INAFM2: variants seen among roughly 807,000 people sequenced by gnomAD.
The protein encoded by INAFM2 is InaF motif containing 2, also known as putative transmembrane protein INAFM2.
Under a neutral mutation model 5.6 loss-of-function variants are expected in INAFM2, and 3 were observed. The observed-to-expected ratio is 0.54, with a 90% CI of 0.24 to 1.39. The LOEUF is 1.39. Ranked by LOEUF, INAFM2 falls within the 40% of genes most tolerant of loss-of-function variation. The probability of loss-of-function intolerance (pLI) is 0.16; values close to 1 mark genes in which losing one functional copy is unlikely to be tolerated. For missense variants in INAFM2, 186 were observed against 217.5 expected (o/e 0.86, Z 0.91); for synonymous variants, 113 against 109.1 (o/e 1.04, Z -0.22).
rs1212783418 is a variant in INAFM2 at position 40,324,309 on chromosome 15, C to G, written c.254C>G (p.Pro85Arg). The G allele has an allele frequency of 8.1e-7, 1 of 1,227,646 alleles. No individual in the cohort carries two copies. The highest frequency in any genetic ancestry group is 1.0e-6 in the Non-Finnish European group (1 of 985,644). 76.0% of individuals were successfully genotyped at this position (1,227,646 alleles called of 1,614,324 possible). A position where few individuals can be genotyped will look rare whatever the true frequency, so the allele number is the denominator to read the frequency against. ...PPPGGSNATG[P>R]SGTSGAAAAG... The stretch of plus-strand genomic sequence containing the variant: ...CCCGGCGGCTCCAACGCCACTGGCC[C>G]GTCTGGGACTTCGGGGGCGGCGGCG... The change falls in exon 1 of 1, where the codon CCG (proline) becomes CGG (arginine). Residue 85 changes from proline (P) to arginine (R), a missense_variant. Physicochemically the swap from Pro to Arg is moderately radical, Grantham distance 103. Transcript: ENST00000638170.
In INAFM2 at chr15:40,326,450, C is replaced by G. The variant is rs1888796096; in HGVS notation, c.*1933C>G. On this transcript the variant is annotated 3_prime_UTR_variant, in exon 1 of 1. Coordinates refer to ENST00000638170, the MANE Select transcript of INAFM2 (RefSeq NM_001301268.2). ...TCCACTTCCCTGTCCTCTTCCTGAT[C>G]CCTGCTTTCTGGACTGTTTAAATCC... The G allele has an allele frequency of 6.6e-6, 1 of 152,238 alleles. No individual in the cohort carries two copies. Among genetic ancestry groups the G allele is most frequent in the Non-Finnish European group, 1.5e-5 (1 of 68,040 alleles). The allele number at this position is 152,238 out of a possible 1,614,324, so 9.4% of individuals were successfully genotyped here.
rs544813471 is a variant in INAFM2, at chr15:40,324,897, C to A, written c.*380C>A. The A allele has an allele frequency of 2.1e-4, 37 of 174,400 alleles. No homozygotes were observed. Among genetic ancestry groups the A allele is most frequent in the Admixed American group, 1.0e-3 (16 of 15,920 alleles). 10.8% of individuals were successfully genotyped at this position (174,400 alleles called of 1,614,324 possible). A position where few individuals can be genotyped will look rare whatever the true frequency, so the allele number is the denominator to read the frequency against. ...CAGGGGAAGGATGGAGCTGTAGGGG[C>A]TCTTTTTAAGTAAGCTGAAGCTCTC... is the stretch of plus-strand genomic sequence containing the variant. On this transcript the variant is annotated 3_prime_UTR_variant, in exon 1 of 1. Coordinates refer to ENST00000638170, the MANE Select transcript of INAFM2 (RefSeq NM_001301268.2).
chr15:40,324,236 T>C lies in INAFM2; in HGVS notation c.181T>C (p.Trp61Arg). Residue 61 changes from tryptophan (W) to arginine (R), a missense_variant, in exon 1 of 1, where the codon TGG becomes CGG. By Grantham distance (101) the Trp-to-Arg change is moderately radical. Around this residue, in one of 2 missense-constraint regions of INAFM2, gnomAD observed 148 missense variants for 140.2 expected, o/e 1.06. Coordinates refer to ENST00000638170, the MANE Select transcript of INAFM2 (RefSeq NM_001301268.2). ...GCTCGCCGTCTACTACAGCCTCATCTGGCAGCCGGTGGGCGCCGGGACCTC... is the reference window on the plus strand; with the variant it reads ...GCTCGCCGTCTACTACAGCCTCATCCGGCAGCCGGTGGGCGCCGGGACCTC... ...IVLAVYYSLI[W>R]QPVGAGTSGG... 8.1e-7 allele frequency: 1 copy of C among 1,229,224 alleles called. No homozygotes were observed. Among genetic ancestry groups the C allele is most frequent in the Non-Finnish European group, 1.0e-6 (1 of 986,496 alleles). 76.1% of individuals were successfully genotyped at this position (1,229,224 alleles called of 1,614,324 possible). A position where few individuals can be genotyped will look rare whatever the true frequency, so the allele number is the denominator to read the frequency against.
At position 40,324,777 on chromosome 15, in the gene INAFM2, G is replaced by C. The variant is rs1050142654; in HGVS notation, c.*260G>C. On this transcript the variant is annotated 3_prime_UTR_variant, in exon 1 of 1. Coordinates refer to ENST00000638170, the MANE Select transcript of INAFM2 (RefSeq NM_001301268.2). ...GGGCCCTGAGCCGTAGGGGGATGGG[G>C]GGAGGGGTGGGGAGATCCCGGCACC... 4 of 326,510 alleles carry C rather than the reference G, an allele frequency of 1.2e-5. No homozygotes were observed. The highest frequency in any genetic ancestry group is 4.3e-5 in the African/African-American group (2 of 46,334). 20.2% of individuals were successfully genotyped at this position (326,510 alleles called of 1,614,324 possible). A position where few individuals can be genotyped will look rare whatever the true frequency, so the allele number is the denominator to read the frequency against.
chr15:40,326,215 G>C lies in INAFM2; in HGVS notation c.*1698G>C, dbSNP rs1251420913. The C allele has an allele frequency of 6.6e-6, 1 of 152,196 alleles. No individual in the cohort carries two copies. Among genetic ancestry groups the C allele is most frequent in the African/African-American group, 2.4e-5 (1 of 41,450 alleles). 9.4% of individuals were successfully genotyped at this position (152,196 alleles called of 1,614,324 possible). On this transcript the variant is annotated 3_prime_UTR_variant, in exon 1 of 1. Transcript: ENST00000638170. ...TCTCTTGGCTAGAGCAGATTTCTTAGCAGCTGACTAGGACTTCAGTCATTG... is the reference window on the plus strand; with the variant it reads ...TCTCTTGGCTAGAGCAGATTTCTTACCAGCTGACTAGGACTTCAGTCATTG...
Position 40,324,160 on chromosome 15 carries a change from G to C in INAFM2, c.105G>C (p.Arg35=). The change falls in exon 1 of 1, where the codon CGG becomes CGC. Residue 35 remains arginine, a synonymous_variant. Coordinates refer to ENST00000638170, the MANE Select transcript of INAFM2 (RefSeq NM_001301268.2). ...CCAAGACCAACAAGAAGTGGGTCCG[G>C]CTCGCCACCGTGTTCGCCTACGTGC... ...MAAKTNKKWV[R]LATVFAYVLS... The C allele has an allele frequency of 4.1e-6, 5 of 1,229,282 alleles. No individual in the cohort carries two copies. Among genetic ancestry groups the C allele is most frequent in the Non-Finnish European group, 5.1e-6 (5 of 986,484 alleles). 76.1% of individuals were successfully genotyped at this position (1,229,282 alleles called of 1,614,324 possible). A position where few individuals can be genotyped will look rare whatever the true frequency, so the allele number is the denominator to read the frequency against.
In INAFM2 at chr15:40,326,574, C is replaced by G. The variant is rs1888797532; in HGVS notation, c.*2057C>G. 1 of 152,226 alleles carries G rather than the reference C, an allele frequency of 6.6e-6. No individual in the cohort carries two copies. The highest frequency in any genetic ancestry group is 2.4e-5 in the African/African-American group (1 of 41,454). 9.4% of individuals were successfully genotyped at this position (152,226 alleles called of 1,614,324 possible). ...CTTCACTGGAATTGGGACATTTGCTCCAGCCCTAGCTGTGAACATGACCAG... is the reference window on the plus strand; with the variant it reads ...CTTCACTGGAATTGGGACATTTGCTGCAGCCCTAGCTGTGAACATGACCAG... On this transcript the variant is annotated 3_prime_UTR_variant, in exon 1 of 1. Transcript: ENST00000638170.
At position 40,324,217 on chromosome 15, in the gene INAFM2, C is replaced by T. The variant is rs1888744871; in HGVS notation, c.162C>T (p.Ala54=). ...TGTCGCTGGCCGCCATCGTGCTCGC[C>T]GTCTACTACAGCCTCATCTGGCAGC... is the stretch of plus-strand genomic sequence containing the variant. ...LSVSLAAIVL[A]VYYSLIWQPV... Residue 54 remains alanine (A), a synonymous_variant, in exon 1 of 1, where the codon GCC becomes GCT. Coordinates refer to ENST00000638170, the MANE Select transcript of INAFM2 (RefSeq NM_001301268.2). 4.9e-6 allele frequency: 6 copies of T among 1,229,604 alleles called. No individual in the cohort carries two copies. Among genetic ancestry groups the T allele is most frequent in the South Asian group, 4.1e-5 (1 of 24,302 alleles). The allele number at this position is 1,229,604 out of a possible 1,614,324, so 76.2% of individuals were successfully genotyped here.
rs1438741236 is a variant in INAFM2, at chr15:40,324,910, A to T, written c.*393A>T. On this transcript the variant is annotated 3_prime_UTR_variant, in exon 1 of 1. Transcript: ENST00000638170. ...GAGCTGTAGGGGCTCTTTTTAAGTA[A>T]GCTGAAGCTCTCGAAAGGAGGAGGG... 6.0e-6 allele frequency: 1 copy of T among 166,224 alleles called. No homozygotes were observed. Among genetic ancestry groups the T allele is most frequent in the Non-Finnish European group, 1.3e-5 (1 of 77,804 alleles). The allele number at this position is 166,224 out of a possible 1,614,324, so 10.3% of individuals were successfully genotyped here. A position where few individuals can be genotyped will look rare whatever the true frequency, so the allele number is the denominator to read the frequency against.
chr15:40,324,566 G>A lies in INAFM2; in HGVS notation c.*49G>A. On this transcript the variant is annotated 3_prime_UTR_variant, in exon 1 of 1. Transcript: ENST00000638170. Reference sequence around the variant, plus strand: ...GGGAACCATTCTCCCCAAGCCCAGAGGCAGGACTTCGCAGCAGGATGGGGT... The same window carrying A: ...GGGAACCATTCTCCCCAAGCCCAGAAGCAGGACTTCGCAGCAGGATGGGGT... 8.4e-7 allele frequency: 1 copy of A among 1,193,500 alleles called. No homozygotes were observed. The highest frequency in any genetic ancestry group is 1.0e-6 in the Non-Finnish European group (1 of 956,194). The allele number at this position is 1,193,500 out of a possible 1,614,324, so 73.9% of individuals were successfully genotyped here. A position where few individuals can be genotyped will look rare whatever the true frequency, so the allele number is the denominator to read the frequency against.
Position 40,324,471 on chromosome 15 carries a change from C to T in INAFM2, c.416C>T (p.Pro139Leu), listed in dbSNP as rs1888752328. ...PAGPLERPRG[P>L]DEDEEETAAA... ...GGGCCGCTCGAGCGGCCTCGGGGGC[C>T]GGACGAGGACGAAGAGGAAACGGCG... is the stretch of plus-strand genomic sequence containing the variant. Residue 139 changes from proline (P) to leucine (L), a missense_variant, in exon 1 of 1, where the codon CCG (proline) becomes CTG (leucine). By Grantham distance (98) the Pro-to-Leu change is moderately conservative (BLOSUM62 -3). Around this residue, in one of 2 missense-constraint regions of INAFM2, gnomAD observed 148 missense variants for 140.2 expected, o/e 1.06. Transcript: ENST00000638170. 8.1e-7 allele frequency: 1 copy of T among 1,227,732 alleles called. No homozygotes were observed. Among genetic ancestry groups the T allele is most frequent in the Non-Finnish European group, 1.0e-6 (1 of 985,328 alleles). The allele number at this position is 1,227,732 out of a possible 1,614,324, so 76.1% of individuals were successfully genotyped here. A position where few individuals can be genotyped will look rare whatever the true frequency, so the allele number is the denominator to read the frequency against.
In INAFM2 at chr15:40,323,766, G is replaced by A. The variant is rs973532281; in HGVS notation, c.-290G>A. ...GCGGCGTGGCGGCGGATGGGGACGC[G>A]GAGCCGGGCGGCTGTGGCGGCTGTG... On this transcript the variant is annotated 5_prime_UTR_variant, in exon 1 of 1. Transcript: ENST00000638170. This position sits in a 1 kb window ranked among gnomAD's most constrained non-coding sequence, Gnocchi z 5.6. 4.9e-5 allele frequency: 7 copies of A among 143,828 alleles called. No homozygotes were observed. The highest frequency in any genetic ancestry group is 1.8e-4 in the African/African-American group (7 of 39,576). 8.9% of individuals were successfully genotyped at this position (143,828 alleles called of 1,614,324 possible).
chr15:40,325,797 A>C lies in INAFM2; in HGVS notation c.*1280A>C, dbSNP rs1888784358. 6.6e-6 allele frequency: 1 copy of C among 152,222 alleles called. No individual in the cohort carries two copies. The highest frequency in any genetic ancestry group is 1.5e-5 in the Non-Finnish European group (1 of 68,032). The allele number at this position is 152,222 out of a possible 1,614,324, so 9.4% of individuals were successfully genotyped here. ...TTACTTTTCCCGATAAGCCCTACTT[A>C]AATGCAGCCTGTAATTGTATAAAGG... On this transcript the variant is annotated 3_prime_UTR_variant, in exon 1 of 1. Coordinates refer to ENST00000638170, the MANE Select transcript of INAFM2 (RefSeq NM_001301268.2).
In INAFM2 at chr15:40,324,636, C is replaced by T. The variant is rs2141240316; in HGVS notation, c.*119C>T. The T allele has an allele frequency of 1.4e-6, 1 of 691,186 alleles. No homozygotes were observed. The highest frequency in any genetic ancestry group is 2.0e-6 in the Non-Finnish European group (1 of 499,214). 42.8% of individuals were successfully genotyped at this position (691,186 alleles called of 1,614,324 possible). A position where few individuals can be genotyped will look rare whatever the true frequency, so the allele number is the denominator to read the frequency against. On this transcript the variant is annotated 3_prime_UTR_variant, in exon 1 of 1. Coordinates refer to ENST00000638170, the MANE Select transcript of INAFM2 (RefSeq NM_001301268.2). The stretch of plus-strand genomic sequence containing the variant: ...CCCCCACGAGAGTGAACGCCCCTCA[C>T]ACTCCCACCATCGCCGGCTGGCCCC...
chr15:40,324,071 G>A lies in INAFM2; in HGVS notation c.16G>A (p.Ala6Thr). Residue 6 changes from alanine (A) to threonine (T), a missense_variant, in exon 1 of 1, where the codon GCG (alanine) becomes ACG (threonine). By Grantham distance (58) the Ala-to-Thr change is moderately conservative. Coordinates refer to ENST00000638170, the MANE Select transcript of INAFM2 (RefSeq NM_001301268.2). ...GGGCCCCCCCATGAAGGAGCGCGAC[G>A]CGGCCCCGGCCGAGCGGGGCAAGCC... MKERDAAPAERGKPAT... is the reference protein window; with the variant it reads MKERDTAPAERGKPAT... The A allele has an allele frequency of 3.3e-6, 4 of 1,229,082 alleles. No homozygotes were observed. The highest frequency in any genetic ancestry group is 4.1e-6 in the Non-Finnish European group (4 of 986,328). The allele number at this position is 1,229,082 out of a possible 1,614,324, so 76.1% of individuals were successfully genotyped here.
Position 40,324,765 on chromosome 15 carries a change from T to C in INAFM2, c.*248T>C, listed in dbSNP as rs1424956163. The stretch of plus-strand genomic sequence containing the variant: ...CGTGCTGCACCAGGGCCCTGAGCCG[T>C]AGGGGGATGGGGGGAGGGGTGGGGA... On this transcript the variant is annotated 3_prime_UTR_variant, in exon 1 of 1. Transcript: ENST00000638170. The C allele has an allele frequency of 3.3e-5, 11 of 330,998 alleles. No individual in the cohort carries two copies. The East Asian group carries it at 5.0e-4, about 15-fold the overall frequency. 20.5% of individuals were successfully genotyped at this position (330,998 alleles called of 1,614,324 possible).
Position 40,326,412 on chromosome 15 carries a change from G to C in INAFM2, c.*1895G>C, listed in dbSNP as rs12081. 0.12 allele frequency: 18,566 copies of C among 152,206 alleles called. 2,096 individuals carry two copies. The highest frequency in any genetic ancestry group is 0.58 in the East Asian group (3,023 of 5,182). The allele number at this position is 152,206 out of a possible 1,614,324, so 9.4% of individuals were successfully genotyped here. ...ATTCCAAGAATCCTTTGAACTTGTA[G>C]AACATCTGGGAGTCCACTTCCCTGT... On this transcript the variant is annotated 3_prime_UTR_variant, in exon 1 of 1. Transcript: ENST00000638170.
rs953415166 is a variant in INAFM2, at chr15:40,325,198, C to G, written c.*681C>G. 1 of 152,232 alleles carries G rather than the reference C, an allele frequency of 6.6e-6. No individual in the cohort carries two copies. Among genetic ancestry groups the G allele is most frequent in the East Asian group, 1.9e-4 (1 of 5,198 alleles). The allele number at this position is 152,232 out of a possible 1,614,324, so 9.4% of individuals were successfully genotyped here. ...ATCACTCACTTTCTCCTGTTCCCCT[C>G]CTGTTTCTGAAATATAAGTTTATGA... On this transcript the variant is annotated 3_prime_UTR_variant, in exon 1 of 1. Transcript: ENST00000638170.
chr15:40,323,936 C>A lies in INAFM2; in HGVS notation c.-120C>A. ...GGGCGGGCGGCGTGAGGAGCGGCGGCGGAGCGCGGGGCCGCCGGGAACCGA... is the reference window on the plus strand; with the variant it reads ...GGGCGGGCGGCGTGAGGAGCGGCGGAGGAGCGCGGGGCCGCCGGGAACCGA... On this transcript the variant is annotated 5_prime_UTR_variant, in exon 1 of 1. Transcript: ENST00000638170. This position sits in a 1 kb window ranked among gnomAD's most constrained non-coding sequence, Gnocchi z 5.6. 4.7e-6 allele frequency: 2 copies of A among 421,730 alleles called. No individual in the cohort carries two copies. The highest frequency in any genetic ancestry group is 7.2e-6 in the Non-Finnish European group (2 of 276,186). 26.1% of individuals were successfully genotyped at this position (421,730 alleles called of 1,614,324 possible).
Sources: gnomAD v4.1 joint callset for allele counts on GRCh38, gnomAD v4.1.1 for gene constraint, gnomAD v4.1.1 regional missense constraint, Gnocchi (gnomAD v3.1) non-coding constraint, MANE v1.5 for transcripts, NCBI Gene and HGNC (gene_info 2026-07-23, HGNC 2026-07-21) for gene names.